The following USP7 variants were observed in gnomAD, a reference collection of about 807,000 sequenced individuals.
USP7 encodes the protein ubiquitin C-terminal hydrolase 7.
Under a neutral mutation model 162.9 loss-of-function variants are expected in USP7, and 9 were observed. That is an observed-to-expected ratio of 0.06 (90% CI 0.03 to 0.10). The LOEUF (loss-of-function observed/expected upper bound fraction) is 0.10. Ranked by LOEUF, USP7 falls within the 10% of genes least tolerant of loss-of-function variation. The pLI is 1.00. For synonymous variants in USP7, 562 were observed against 475.9 expected (o/e 1.18, Z -2.35); for missense variants, 715 against 1,373.7 (o/e 0.52, Z 7.58).
chr16:8,946,403 A>C (rs1177409389), intron 1 of USP7, among the ~76,000 whole-genome samples: 2 of 152,210 alleles, frequency 1.3e-5, no homozygotes, highest in African/African-American at 4.8e-5. Context: ...CAATATGGTG[A>C]AACCGCATCT....
chr16:8,929,035 A>AC (rs750660777), intron 2 of USP7, among the ~76,000 whole-genome samples: 4 of 140,302 alleles, frequency 2.9e-5, no homozygotes, highest in Admixed American at 7.0e-5. Context: ...TCCTCCCAAG[A>AC]CCTCCCCCCT....
At chr16:8,944,902 G>A (rs1033875122) in intron 1 of USP7, among the ~76,000 whole-genome samples, 1 of 137,572 alleles carries the variant, frequency 7.3e-6, no homozygotes, top group African/African-American at 3.2e-5. Context: ...GAGGTCAGGA[G>A]TTCGAGATCA....
intron 26 of USP7, among the ~76,000 whole-genome samples, chr16:8,896,275 G>A (rs1182353324): frequency 6.6e-6 from 1 of 152,038 alleles, no homozygotes; most frequent in Non-Finnish European, 1.5e-5. Flanking sequence ...CCACATTTGG[G>A]CACAGAGATG....
At chr16:8,950,212 C>G (rs568836216) in intron 1 of USP7, among the ~76,000 whole-genome samples, 6 of 152,154 alleles carry the variant, frequency 3.9e-5, no homozygotes, top group Admixed American at 1.3e-4. Flanking sequence ...TAGTGGCTGC[C>G]ACAGTGGACA....
chr16:8,945,524 T>C (rs1899237324), intron 1 of USP7, among the ~76,000 whole-genome samples: 1 of 152,200 alleles, frequency 6.6e-6, no homozygotes, highest in South Asian at 2.1e-4. Context: ...AACATTTCTG[T>C]GCACTAGTGA....
chr16:8,892,601 G>A lies in USP7; in HGVS notation c.*1397C>T, dbSNP rs1335858077. 2 of 82,200 alleles carry A rather than the reference G, an allele frequency of 2.4e-5. No homozygotes were observed. The highest frequency in any genetic ancestry group is 3.7e-4 in the East Asian group (1 of 2,716). The allele number at this position is 82,200 out of a possible 1,614,324, so 5.1% of individuals were successfully genotyped here. A position where few individuals can be genotyped will look rare whatever the true frequency, so the allele number is the denominator to read the frequency against. On this transcript the variant is annotated 3_prime_UTR_variant, in exon 31 of 31. Transcript: ENST00000344836. ...TCTTAAGAGTAAATGTGACTAGTTA[G>A]AGGCTAAAAAAAAAAAAAAAAAAAA...
intron 25 of USP7, among the ~76,000 whole-genome samples, chr16:8,897,888 G>A (rs1397726757): frequency 6.6e-6 from 1 of 151,020 alleles, no homozygotes; most frequent in Non-Finnish European, 1.5e-5. Flanking sequence ...GACAGAGCGA[G>A]ACCCTGTCTC....
chr16:8,948,145 A>C (rs1374721679), intron 1 of USP7, among the ~76,000 whole-genome samples: 1 of 152,054 alleles, frequency 6.6e-6, no homozygotes, highest in Non-Finnish European at 1.5e-5. Context: ...CCCACTAATA[A>C]ATCCCTGCAT....
At chr16:8,909,046 G>GC (rs1168907257) in intron 11 of USP7, among the ~76,000 whole-genome samples, 6 of 152,216 alleles carry the variant, frequency 3.9e-5, no homozygotes, top group Admixed American at 3.9e-4. Context: ...TTCAGTGTCA[G>GC]CAAGGCCCTT....
At chr16:8,922,011 C>T (rs1897721871) in intron 3 of USP7, among the ~76,000 whole-genome samples, 1 of 152,198 alleles carries the variant, frequency 6.6e-6, no homozygotes. Context: ...TTGCTCGGGA[C>T]GCTGACACTG....
In USP7 at chr16:8,892,795, A is replaced by G. The variant is rs1297750021; in HGVS notation, c.*1203T>C. On this transcript the variant is annotated 3_prime_UTR_variant, in exon 31 of 31. Transcript: ENST00000344836. Reference sequence around the variant, plus strand: ...AATTATAATTTTTATAGAAAATTTTATTCAACATACAACATTTTCCAGCAA... The same window carrying G: ...AATTATAATTTTTATAGAAAATTTTGTTCAACATACAACATTTTCCAGCAA... 6.6e-6 allele frequency: 1 copy of G among 152,208 alleles called. No homozygotes were observed. Among genetic ancestry groups the G allele is most frequent in the Non-Finnish European group, 1.5e-5 (1 of 68,032 alleles). The allele number at this position is 152,208 out of a possible 1,614,324, so 9.4% of individuals were successfully genotyped here.
At chr16:8,910,570 C>G (rs1305999519) in intron 11 of USP7, among the ~76,000 whole-genome samples, 175 bp downstream of exon 11, 1 of 152,096 alleles carries the variant, frequency 6.6e-6, no homozygotes, top group Non-Finnish European at 1.5e-5. Context: ...TGCACTCCAT[C>G]TCCCAACATC....
rs183720000 is a variant in USP7, at chr16:8,908,590, G to A, written c.1162-140C>T. 546 of 642,492 alleles carry A rather than the reference G, an allele frequency of 8.5e-4. 1 individual carries two copies. The African/African-American group carries it at 8.9e-3, about 10-fold the overall frequency. The allele number at this position is 642,492 out of a possible 1,614,324, so 39.8% of individuals were successfully genotyped here. ...GCAGGGAAGTTTAGGTGTCCATTTAGGGCATCTTTGAAATGTTTTCTTTAG... is the reference window on the plus strand; with the variant it reads ...GCAGGGAAGTTTAGGTGTCCATTTAAGGCATCTTTGAAATGTTTTCTTTAG... On this transcript the variant is annotated intron_variant, in intron 11 of 30. Coordinates refer to ENST00000344836, the MANE Select transcript of USP7 (RefSeq NM_003470.3).
chr16:8,921,458 T>C (rs867874954), intron 3 of USP7, among the ~76,000 whole-genome samples, 163 bp from the exon 4 acceptor site: 1 of 152,262 alleles, frequency 6.6e-6, no homozygotes, highest in East Asian at 1.9e-4. Context: ...TTACCTTTAA[T>C]AGAGAAATGG....
At chr16:8,902,520 C>T (rs2447918) in intron 16 of USP7, 38 bp from the exon 17 acceptor site, 570,556 of 1,567,420 alleles carry the variant, frequency 0.36, 104,802 homozygotes, top group Middle Eastern at 0.4. Flanking sequence ...AATAAAAACA[C>T]GCTCATATTT....
chr16:8,936,571 A>G, intron 1 of USP7: 1 of 1,534,900 alleles, frequency 6.5e-7, no homozygotes, highest in Non-Finnish European at 8.7e-7. Flanking sequence ...TCAACCTGAA[A>G]ACCTGACTCA....
chr16:8,922,287 G>A (rs750221883), intron 3 of USP7, among the ~76,000 whole-genome samples: 3 of 152,174 alleles, frequency 2.0e-5, no homozygotes, highest in Non-Finnish European at 2.9e-5. Flanking sequence ...TCAGGAGTTC[G>A]AGACCAGCCT....
intron 3 of USP7, 60 bp downstream of exon 3, chr16:8,923,155 T>A (rs369561318): frequency 2.0e-6 from 3 of 1,514,036 alleles, no homozygotes; most frequent in African/African-American, 2.8e-5. Context: ...GCAAATAACT[T>A]AAGATAAAAT....
At chr16:8,927,697 G>A (rs1383412349) in intron 2 of USP7, among the ~76,000 whole-genome samples, 4 of 152,224 alleles carry the variant, frequency 2.6e-5, no homozygotes, top group African/African-American at 2.4e-5. Flanking sequence ...TTAGCCAGGC[G>A]TGGTGGCATT....
Sources: allele counts gnomAD v4.1 joint callset (sites outside exome capture counted in the v4.1 genomes callset), GRCh38; gene constraint gnomAD v4.1.1; transcripts MANE v1.5; gene names NCBI Gene and HGNC (gene_info 2026-07-23, HGNC 2026-07-21).